The following VPS13C variants were observed in gnomAD, a reference collection of about 807,000 sequenced individuals.
VPS13C encodes intermembrane lipid transfer protein VPS13C.
Under a neutral mutation model 456.8 loss-of-function variants are expected in VPS13C, and 358 were observed. The observed-to-expected ratio is 0.78, with a 90% confidence interval of 0.72 to 0.86. The LOEUF (loss-of-function observed/expected upper bound fraction) is 0.86, where lower values mean the gene tolerates loss of function less well. Ranked by LOEUF, VPS13C falls within the 40% of genes least tolerant of loss-of-function variation. The probability of loss-of-function intolerance (pLI) is 0.00; values close to 1 mark genes in which losing one functional copy is unlikely to be tolerated. For synonymous variants in VPS13C, 1,578 were observed against 1,486.7 expected, an observed-to-expected ratio of 1.06 and a Z score of -1.41; for missense variants, 4,818 against 4,385.4, an observed-to-expected ratio of 1.10 and a Z score of -2.79.
chr15:61,854,983 G>T (rs1260081577), intron 83 of VPS13C, 29 bp from the exon 84 acceptor site: 3 of 1,562,704 alleles, frequency 1.9e-6, no homozygotes, highest in South Asian at 2.4e-5. Flanking sequence ...TGACAGAAAA[G>T]AAATTATTCT....
intron 53 of VPS13C, among the ~76,000 whole-genome samples, chr15:61,924,234 T>A (rs1171378951): frequency 6.6e-6 from 1 of 152,194 alleles, no homozygotes; most frequent in Non-Finnish European, 1.5e-5. Context: ...TCTGTCTGGA[T>A]AAACCTTTCC....
intron 1 of VPS13C, among the ~76,000 whole-genome samples, chr15:62,049,582 A>G (rs940981100): frequency 2.0e-5 from 3 of 152,108 alleles, no homozygotes; most frequent in South Asian, 2.1e-4. Flanking sequence ...ACTTGGCAAC[A>G]TGGGCTCTTT....
intron 48 of VPS13C, among the ~76,000 whole-genome samples, chr15:61,935,231 T>G (rs1459018099): frequency 6.6e-6 from 1 of 152,224 alleles, no homozygotes; most frequent in Non-Finnish European, 1.5e-5. Context: ...CATCTTTAGA[T>G]AGATCACACA....
chr15:61,939,706 C>T (rs1054225445), intron 47 of VPS13C, among the ~76,000 whole-genome samples: 3 of 152,032 alleles, frequency 2.0e-5, no homozygotes, highest in African/African-American at 7.3e-5. Context: ...TTAAAAATAA[C>T]GCTGTGGCCG....
rs1265570586 is a variant in VPS13C, at chr15:61,929,507, C to G, written c.6280G>C (p.Glu2094Gln). 18 of 1,612,954 alleles carry G rather than the reference C, an allele frequency of 1.1e-5. No individual in the cohort carries two copies. The highest frequency in any genetic ancestry group is 1.5e-5 in the Non-Finnish European group (18 of 1,179,176). Residue 2094 changes from glutamate (E) to glutamine (Q), a missense_variant, in exon 51 of 85, where the codon GAG (glutamate) becomes CAG (glutamine). Coordinates refer to ENST00000644861, the MANE Select transcript of VPS13C (RefSeq NM_020821.3). ...RQTATGKVKI[E>Q]KDDSVRPNMT... ...ACAGATAAATTCTGCTAACCTTTCTCTATCTTGACCTTCCCTGTGGCAGTC... is the reference window on the plus strand; with the variant it reads ...ACAGATAAATTCTGCTAACCTTTCTGTATCTTGACCTTCCCTGTGGCAGTC...
chr15:61,907,279 T>C lies in VPS13C; in HGVS notation c.9090A>G (p.Glu3030=). The C allele has an allele frequency of 3.7e-6, 6 of 1,613,914 alleles. No individual in the cohort carries two copies. Among genetic ancestry groups the C allele is most frequent in the Non-Finnish European group, 5.1e-6 (6 of 1,179,780 alleles). Residue 3030 remains glutamate (E), a synonymous_variant, in exon 66 of 85, where the codon GAA becomes GAG. Coordinates refer to ENST00000644861, the MANE Select transcript of VPS13C (RefSeq NM_020821.3). The stretch of plus-strand genomic sequence containing the variant: ...CAAAAGATACCTTTAACAGATCATG[T>C]TCCCCAACATTTGCTGCATATGTCC... ...LTWTYAANVG[E]HDLLKDGCGQ...
rs184272569 is a variant in VPS13C, at chr15:61,996,549, G to A, written c.1353+4015C>T. Among the ~76,000 whole-genome samples, 608 of 152,054 alleles carry A rather than the reference G, an allele frequency of 4.0e-3. 1 individual carries two copies. The highest frequency in any genetic ancestry group is 6.1e-3 in the Non-Finnish European group (418 of 68,000). On this transcript the variant is annotated intron_variant, in intron 16 of 84. Transcript: ENST00000644861. ...CAGATGCCAGTAATCAGATAACTTCGATGTCTGATAGCTGGAACTATCAGA... is the reference window on the plus strand; with the variant it reads ...CAGATGCCAGTAATCAGATAACTTCAATGTCTGATAGCTGGAACTATCAGA...
chr15:61,914,484 G>C (rs1037760667), intron 61 of VPS13C, among the ~76,000 whole-genome samples: 1 of 151,826 alleles, frequency 6.6e-6, no homozygotes, highest in Non-Finnish European at 1.5e-5. Context: ...CAGGAGAATC[G>C]CTTGAACCCG....
rs539278115 is a variant in VPS13C, at chr15:61,858,134, A to G, written c.10953-1725T>C. On this transcript the variant is annotated intron_variant, in intron 82 of 84. Coordinates refer to ENST00000644861, the MANE Select transcript of VPS13C (RefSeq NM_020821.3). The surrounding 1 kb of genome is among the most constrained non-coding windows in gnomAD (Gnocchi z 4.4). ...TGCCAAACACAATTCACTATTCCAA[A>G]TATCTTTAAACTCTTCTCTTTACCA... Among the ~76,000 whole-genome samples the G allele has an allele frequency of 6.6e-6, 1 of 152,228 alleles. No individual in the cohort carries two copies. Among genetic ancestry groups the G allele is most frequent in the African/African-American group, 2.4e-5 (1 of 41,526 alleles).
At chr15:61,942,587 T>C (rs2044467419) in intron 45 of VPS13C, among the ~76,000 whole-genome samples, 1 of 151,404 alleles carries the variant, frequency 6.6e-6, no homozygotes, top group Non-Finnish European at 1.5e-5. Context: ...GAAAGACAGT[T>C]AATTGTCTAC....
intron 15 of VPS13C, among the ~76,000 whole-genome samples, chr15:62,001,478 C>A (rs920695566): frequency 6.6e-6 from 1 of 151,856 alleles, no homozygotes; most frequent in Non-Finnish European, 1.5e-5. Flanking sequence ...TGTGTTTCTA[C>A]CTTTTATTTT....
rs1893790277 is a variant in VPS13C, at chr15:61,854,286, T to C, written c.*171A>G. On this transcript the variant is annotated 3_prime_UTR_variant, in exon 85 of 85. Transcript: ENST00000644861. ...GCTAGCATATACATGGTTACAAAATTAGAGTAAAAACTAAAAGGTGAAAAA... is the reference window on the plus strand; with the variant it reads ...GCTAGCATATACATGGTTACAAAATCAGAGTAAAAACTAAAAGGTGAAAAA... 3 of 648,344 alleles carry C rather than the reference T, an allele frequency of 4.6e-6. No homozygotes were observed. Among genetic ancestry groups the C allele is most frequent in the Middle Eastern group, 5.3e-4 (2 of 3,776 alleles). 40.2% of individuals were successfully genotyped at this position (648,344 alleles called of 1,614,324 possible). A position where few individuals can be genotyped will look rare whatever the true frequency, so the allele number is the denominator to read the frequency against.
At position 62,027,609 on chromosome 15, in the gene VPS13C, T is replaced by C. The variant is rs529592547; in HGVS notation, c.448+749A>G. Among the ~76,000 whole-genome samples, 8 of 152,228 alleles carry C rather than the reference T, an allele frequency of 5.3e-5. No homozygotes were observed. In the South Asian group the frequency reaches 8.3e-4, roughly 16 times the overall value. Reference sequence around the variant, plus strand: ...TGCTTATTGTTTACAAATTTCAAGATACAGACCCACTTGCCATTTAATCAA... The same window carrying C: ...TGCTTATTGTTTACAAATTTCAAGACACAGACCCACTTGCCATTTAATCAA... On this transcript the variant is annotated intron_variant, in intron 6 of 84. Coordinates refer to ENST00000644861, the MANE Select transcript of VPS13C (RefSeq NM_020821.3).
chr15:62,020,243 T>G (rs2047412991), intron 9 of VPS13C, among the ~76,000 whole-genome samples: 1 of 151,934 alleles, frequency 6.6e-6, no homozygotes, highest in African/African-American at 2.4e-5. Context: ...TTTATTTCTT[T>G]CAAATCATTT....
chr15:61,949,513 A>AGGCT lies in VPS13C; in HGVS notation c.4685_4688dup (p.Ser1564AlafsTer5), dbSNP rs1314535894. On this transcript the variant is annotated frameshift_variant, in exon 42 of 85. Coordinates refer to ENST00000644861, the MANE Select transcript of VPS13C (RefSeq NM_020821.3). LOFTEE classifies it high-confidence loss of function. ...GCTCGGATTCCTTCTCAGAAGAGGAAGGCTCAGAGAATGGAGCAGCAGATG... is the reference window on the plus strand; with the variant it reads ...GCTCGGATTCCTTCTCAGAAGAGGAAGGCTGGCTCAGAGAATGGAGCAGCAGATG... 6.2e-7 allele frequency: 1 copy of AGGCT among 1,613,790 alleles called. No individual in the cohort carries two copies. Among genetic ancestry groups the AGGCT allele is most frequent in the Admixed American group, 1.7e-5 (1 of 59,914 alleles).
Position 61,925,461 on chromosome 15 carries a change from T to C in VPS13C, c.6604A>G (p.Ile2202Val), listed in dbSNP as rs2043817359. 1.3e-6 allele frequency: 2 copies of C among 1,547,146 alleles called. No individual in the cohort carries two copies. The highest frequency in any genetic ancestry group is 1.8e-6 in the Non-Finnish European group (2 of 1,137,912). The change falls in exon 53 of 85, where the codon ATT becomes GTT. Residue 2202 changes from isoleucine to valine, a missense_variant. Around this residue, in one of 3 missense-constraint regions of VPS13C, gnomAD observed 4,552 missense variants for 4,130.6 expected, o/e 1.10. Coordinates refer to ENST00000644861, the MANE Select transcript of VPS13C (RefSeq NM_020821.3). ...AGAATATGGTAAGTACTAACCTTAA[T>C]TATAAATTCTTTAACCATAATATTT... Reference protein sequence around the residue: ...NINIMVKEFIIKISPIILNTV... With the variant: ...NINIMVKEFIVKISPIILNTV...
intron 3 of VPS13C, among the ~76,000 whole-genome samples, chr15:62,039,251 C>A (rs1303734148): frequency 6.6e-6 from 1 of 151,842 alleles, no homozygotes; most frequent in East Asian, 1.9e-4. Flanking sequence ...TAGTATGCAG[C>A]CATAAAAAAG....
rs142234139 is a variant in VPS13C at position 61,905,312 on chromosome 15, C to T, written c.9105+1952G>A. Among the ~76,000 whole-genome samples, 556 of 152,184 alleles carry T rather than the reference C, an allele frequency of 3.7e-3. 5 individuals are homozygous for T. The highest frequency in any genetic ancestry group is 0.014 in the South Asian group (69 of 4,822). On this transcript the variant is annotated intron_variant, in intron 66 of 84. Coordinates refer to ENST00000644861, the MANE Select transcript of VPS13C (RefSeq NM_020821.3). ...CAACATCTTTACTTTCTTTTTGCTTCCATTTGCTTGTTAAATCTTTACCAT... is the reference window on the plus strand; with the variant it reads ...CAACATCTTTACTTTCTTTTTGCTTTCATTTGCTTGTTAAATCTTTACCAT...
chr15:62,044,110 C>T (rs2140730704), intron 2 of VPS13C, 102 bp downstream of exon 2: 1 of 716,370 alleles, frequency 1.4e-6, no homozygotes, highest in Non-Finnish European at 2.3e-6. Context: ...TGAGTGATTC[C>T]ATCACTTTAT....
Sources: allele counts gnomAD v4.1 joint callset (sites outside exome capture counted in the v4.1 genomes callset), GRCh38; gene constraint gnomAD v4.1.1; regional missense constraint gnomAD v4.1.1; non-coding constraint Gnocchi (gnomAD v3.1); transcripts MANE v1.5; gene names NCBI Gene and HGNC (gene_info 2026-07-23, HGNC 2026-07-21).